The following TNPO1 variants were observed in gnomAD, a reference collection of about 807,000 sequenced individuals.
The protein encoded by TNPO1 is transportin-1.
TNPO1 carries 8 observed loss-of-function variants against 119.5 expected under a neutral mutation model. The ratio of observed to expected loss-of-function variants is 0.07; its 90% CI spans 0.04 to 0.12. The LOEUF is 0.12. Among genes scored for constraint, TNPO1 ranks in the 10% least tolerant of loss-of-function variants. TNPO1 has a pLI of 1.00. For missense variants in TNPO1, 576 were observed against 1,089.8 expected, an observed-to-expected ratio of 0.53 and a Z score of 6.64; for synonymous variants, 362 against 363.0, an observed-to-expected ratio of 1.00 and a Z score of 0.03.
intron 8 of TNPO1, 104 bp downstream of exon 8, chr5:72,875,841 T>A (rs936325201): frequency 7.7e-7 from 1 of 1,302,510 alleles, no homozygotes; most frequent in African/African-American, 1.5e-5. Flanking sequence ...AAAATAGTTA[T>A]AATTGTCTTA....
chr5:72,846,821 CAAAT>C (rs1443925889), intron 1 of TNPO1, among the ~76,000 whole-genome samples: 2 of 151,964 alleles, frequency 1.3e-5, no homozygotes, highest in Admixed American at 6.6e-5. Flanking sequence ...TATATTGTAT[CAAAT>C]AAAAGTGTAT....
rs537554933 is a variant in TNPO1 at position 72,848,461 on chromosome 5, A to G, written c.92A>G (p.Gln31Arg). ...ATCCTGCAGCTGTTGAAGGAGTCCC[A>G]GTCCCCAGACACCACCATCCAGAGA... is the stretch of plus-strand genomic sequence containing the variant. The part of the protein sequence containing the change: ...QQILQLLKES[Q>R]SPDTTIQRTV... The change falls in exon 2 of 25, where the codon CAG becomes CGG. Residue 31 changes from glutamine (Q) to arginine (R), a missense_variant. Transcript: ENST00000337273. The G allele has an allele frequency of 1.2e-6, 2 of 1,611,738 alleles. No homozygotes were observed. The highest frequency in any genetic ancestry group is 2.2e-5 in the East Asian group (1 of 44,544).
At chr5:72,849,465 A>G (rs1258814175) in intron 2 of TNPO1, among the ~76,000 whole-genome samples, 1 of 152,224 alleles carries the variant, frequency 6.6e-6, no homozygotes, top group Non-Finnish European at 1.5e-5. Context: ...AAAAGCAGCA[A>G]AATTACTTAA....
At chr5:72,867,940 C>T (rs988075359) in intron 6 of TNPO1, among the ~76,000 whole-genome samples, 1 of 152,132 alleles carries the variant, frequency 6.6e-6, no homozygotes, top group African/African-American at 2.4e-5. Context: ...TAATACTTTG[C>T]TATCATTAAT....
At chr5:72,901,525 C>CT (rs781516607) in intron 22 of TNPO1, among the ~76,000 whole-genome samples, 39 of 152,224 alleles carry the variant, frequency 2.6e-4, no homozygotes, top group African/African-American at 6.5e-4. Context: ...TGAAATTGCT[C>CT]TAATTTTGAG....
chr5:72,829,732 A>G (rs28622574), intron 1 of TNPO1, among the ~76,000 whole-genome samples: 28 of 152,242 alleles, frequency 1.8e-4, no homozygotes, highest in Admixed American at 3.3e-4. Flanking sequence ...TGATTGGTGT[A>G]GGATTTCCCA....
intron 3 of TNPO1, among the ~76,000 whole-genome samples, chr5:72,852,299 C>T (rs1745642100): frequency 6.6e-6 from 1 of 152,166 alleles, no homozygotes; most frequent in African/African-American, 2.4e-5. Context: ...ACGCATCCCA[C>T]TAGACATTAT....
At chr5:72,845,804 T>G (rs1251173657) in intron 1 of TNPO1, among the ~76,000 whole-genome samples, 1 of 147,190 alleles carries the variant, frequency 6.8e-6, no homozygotes, top group African/African-American at 2.6e-5. Context: ...ATCCTCAGGA[T>G]GGATGTGATA....
At chr5:72,841,540 G>A (rs998731746) in intron 1 of TNPO1, among the ~76,000 whole-genome samples, 3 of 151,654 alleles carry the variant, frequency 2.0e-5, no homozygotes, top group African/African-American at 7.3e-5. Flanking sequence ...TTTTAGTAGA[G>A]ACGGGGTTTC....
At chr5:72,902,302 C>A (rs1749855114) in intron 22 of TNPO1, among the ~76,000 whole-genome samples, 1 of 151,954 alleles carries the variant, frequency 6.6e-6, no homozygotes. Context: ...TGTGGTTTTT[C>A]TTAACTCGGT....
At chr5:72,907,349 G>C (rs978748057) in intron 24 of TNPO1, among the ~76,000 whole-genome samples, 4 of 152,118 alleles carry the variant, frequency 2.6e-5, no homozygotes, top group Non-Finnish European at 5.9e-5. Flanking sequence ...CTAAGACAAG[G>C]TATGAAATAG....
chr5:72,820,600 A>G lies in TNPO1; in HGVS notation c.15+3848A>G, dbSNP rs547812382. Among the ~76,000 whole-genome samples the G allele has an allele frequency of 1.1e-3, 164 of 152,320 alleles. 1 individual carries two copies. Among genetic ancestry groups the G allele is most frequent in the African/African-American group, 3.9e-3 (162 of 41,584 alleles). ...TTCTATTTTACTGATGAGAAAACAA[A>G]GTGTAAATAGGTAAGTACTTTGTCC... On this transcript the variant is annotated intron_variant, in intron 1 of 24. Coordinates refer to ENST00000337273, the MANE Select transcript of TNPO1 (RefSeq NM_002270.4).
At chr5:72,831,979 C>T (rs1422948265) in intron 1 of TNPO1, among the ~76,000 whole-genome samples, 2 of 151,918 alleles carry the variant, frequency 1.3e-5, no homozygotes, top group Non-Finnish European at 2.9e-5. Flanking sequence ...TGCATAATAG[C>T]CCCATCAGTT....
chr5:72,909,060 A>G lies in TNPO1; in HGVS notation c.*387A>G. Reference sequence around the variant, plus strand: ...TGATGCCTAGGGACAAGAAAGAGGAACAATTCTATAGCGCACAATAAAGGA... The same window carrying G: ...TGATGCCTAGGGACAAGAAAGAGGAGCAATTCTATAGCGCACAATAAAGGA... On this transcript the variant is annotated 3_prime_UTR_variant, in exon 25 of 25. Transcript: ENST00000337273. 4.2e-6 allele frequency: 1 copy of G among 239,248 alleles called. No homozygotes were observed. Among genetic ancestry groups the G allele is most frequent in the South Asian group, 4.1e-5 (1 of 24,532 alleles). The allele number at this position is 239,248 out of a possible 1,614,324, so 14.8% of individuals were successfully genotyped here.
intron 4 of TNPO1, among the ~76,000 whole-genome samples, chr5:72,857,538 C>G (rs1746516890): frequency 6.6e-6 from 1 of 152,178 alleles, no homozygotes; most frequent in Non-Finnish European, 1.5e-5. Flanking sequence ...AAGGCTTTAC[C>G]TACTCTTGAC....
chr5:72,826,767 G>A (rs1476516747), intron 1 of TNPO1, among the ~76,000 whole-genome samples: 1 of 152,140 alleles, frequency 6.6e-6, no homozygotes, highest in Non-Finnish European at 1.5e-5. Context: ...AGATACCTGT[G>A]TATTTAATTC....
chr5:72,871,265 C>G (rs373489209), intron 6 of TNPO1, among the ~76,000 whole-genome samples: 1 of 152,234 alleles, frequency 6.6e-6, no homozygotes, highest in African/African-American at 2.4e-5. Context: ...GCGTGAGTCA[C>G]TGCGCCCAGC....
At chr5:72,879,027 T>C in intron 9 of TNPO1, 2 of 388,554 alleles carry the variant, frequency 5.1e-6, no homozygotes, top group Non-Finnish European at 1.0e-5. Flanking sequence ...TGTTGTTCTT[T>C]GTTTTATGTA....
At chr5:72,837,106 A>G (rs569270590) in intron 1 of TNPO1, among the ~76,000 whole-genome samples, 2 of 152,210 alleles carry the variant, frequency 1.3e-5, no homozygotes, top group South Asian at 2.1e-4. Context: ...AGCCACTTCC[A>G]CATTTTTAGG....
Sources: allele counts gnomAD v4.1 joint callset (sites outside exome capture counted in the v4.1 genomes callset), GRCh38; gene constraint gnomAD v4.1.1; transcripts MANE v1.5; gene names NCBI Gene and HGNC (gene_info 2026-07-23, HGNC 2026-07-21).